The following PRKG1 variants were observed in gnomAD, a reference collection of about 807,000 sequenced individuals.
The protein encoded by PRKG1 is protein kinase cGMP-dependent 1, also known as cGMP-dependent protein kinase 1.
In PRKG1, 35 loss-of-function variants were observed where a neutral mutation model predicts 88.1. The ratio of observed to expected loss-of-function variants is 0.40; its 90% CI spans 0.30 to 0.53. The LOEUF is 0.53. PRKG1 is among the 20% of genes least tolerant of loss of function. The pLI, the probability that PRKG1 is intolerant of heterozygous loss-of-function variation, is 0.59. For synonymous variants in PRKG1, 303 were observed against 292.5 expected, an observed-to-expected ratio of 1.04 and a Z score of -0.37; for missense variants, 540 against 839.8, an observed-to-expected ratio of 0.64 and a Z score of 4.41.
rs569722949 is a variant in PRKG1, at chr10:51,510,608, T to C, written c.592+42772T>C. ...TATCAAATTTTGAGAATATTGTACA[T>C]TTTAAAATAAAACTAATTTTGTATT... is the stretch of plus-strand genomic sequence containing the variant. On this transcript the variant is annotated intron_variant, in intron 3 of 17. Coordinates refer to ENST00000373980, the MANE Select transcript of PRKG1 (RefSeq NM_006258.4). Among the ~76,000 whole-genome samples the C allele has an allele frequency of 3.3e-5, 5 of 152,308 alleles. No homozygotes were observed. In the South Asian group the frequency reaches 1.0e-3, roughly 32 times the overall value.
intron 2 of PRKG1, among the ~76,000 whole-genome samples, chr10:51,427,319 C>T (rs1588947847): frequency 6.6e-6 from 1 of 152,114 alleles, no homozygotes; most frequent in Non-Finnish European, 1.5e-5. Context: ...GCTAAGTCTT[C>T]CTTGAGAAAT....
chr10:51,271,631 G>C (rs1421905373), intron 2 of PRKG1, among the ~76,000 whole-genome samples: 1 of 152,142 alleles, frequency 6.6e-6, no homozygotes, highest in Non-Finnish European at 1.5e-5. Flanking sequence ...ATGTGATTGG[G>C]AAAATCTGAA....
chr10:52,124,493 G>A (rs1180457089), intron 7 of PRKG1, among the ~76,000 whole-genome samples: 1 of 152,138 alleles, frequency 6.6e-6, no homozygotes. Context: ...AATGAATCTT[G>A]CAGGACTATA....
At chr10:52,163,241 G>A (rs1463121373) in intron 9 of PRKG1, among the ~76,000 whole-genome samples, 1 of 150,096 alleles carries the variant, frequency 6.7e-6, no homozygotes, top group African/African-American at 2.4e-5. Flanking sequence ...GTGTGTGTGT[G>A]TGTGTGTATT....
At chr10:52,220,484 G>T (rs1840217148) in intron 9 of PRKG1, among the ~76,000 whole-genome samples, 1 of 151,872 alleles carries the variant, frequency 6.6e-6, no homozygotes, top group South Asian at 2.1e-4. Flanking sequence ...TGTGTCATGG[G>T]GGTATGTCGT....
chr10:51,632,767 G>C (rs1458428080), intron 3 of PRKG1, among the ~76,000 whole-genome samples: 1 of 152,118 alleles, frequency 6.6e-6, no homozygotes, highest in East Asian at 1.9e-4. Context: ...ACTCTGATTG[G>C]GCTGTGGTAA....
chr10:51,828,877 A>C (rs934288082), intron 4 of PRKG1, among the ~76,000 whole-genome samples: 1 of 152,248 alleles, frequency 6.6e-6, no homozygotes, highest in African/African-American at 2.4e-5. Context: ...TAATATCCAC[A>C]TCAAATCTGT....
At chr10:51,334,297 A>T (rs1166687778) in intron 2 of PRKG1, among the ~76,000 whole-genome samples, 1 of 151,948 alleles carries the variant, frequency 6.6e-6, no homozygotes, top group Non-Finnish European at 1.5e-5. Context: ...ATTCTCCAGG[A>T]TATATATATT....
intron 8 of PRKG1, among the ~76,000 whole-genome samples, chr10:52,159,890 G>A (rs1838233151): frequency 6.6e-6 from 1 of 151,648 alleles, no homozygotes; most frequent in Non-Finnish European, 1.5e-5. Context: ...ATTGCTGTTT[G>A]GTTTTCCTAC....
chr10:51,038,931 T>C (rs1843386395), intron 1 of PRKG1, among the ~76,000 whole-genome samples: 1 of 152,178 alleles, frequency 6.6e-6, no homozygotes, highest in South Asian at 2.1e-4. Context: ...TTGCACAATA[T>C]GTAGAGTAAG....
rs142704437 is a variant in PRKG1 at position 52,289,335 on chromosome 10, C to T, written c.1895+342C>T. Among the ~76,000 whole-genome samples, 94 of 152,134 alleles carry T rather than the reference C, an allele frequency of 6.2e-4. 2 individuals carry two copies. In the East Asian group the frequency reaches 0.016, roughly 27 times the overall value. On this transcript the variant is annotated intron_variant, in intron 16 of 17. Coordinates refer to ENST00000373980, the MANE Select transcript of PRKG1 (RefSeq NM_006258.4). ...AATAAAAGTCCCCTACTGTATCTTA[C>T]CTGATTTCCTAAAGACAAAATATAT...
At chr10:51,494,421 G>A (rs1325459453) in intron 3 of PRKG1, among the ~76,000 whole-genome samples, 1 of 152,204 alleles carries the variant, frequency 6.6e-6, no homozygotes, top group African/African-American at 2.4e-5. Flanking sequence ...TGGTAAAATT[G>A]TCTTTCAACA....
At chr10:52,232,568 A>G (rs905618131) in intron 9 of PRKG1, among the ~76,000 whole-genome samples, 1 of 152,162 alleles carries the variant, frequency 6.6e-6, no homozygotes, top group Non-Finnish European at 1.5e-5. Context: ...CTAAAAATAG[A>G]TTCTCTCAAT....
At chr10:51,735,044 A>T (rs143962065) in intron 3 of PRKG1, among the ~76,000 whole-genome samples, 2 of 152,306 alleles carry the variant, frequency 1.3e-5, no homozygotes, top group African/African-American at 4.8e-5. Flanking sequence ...GAGATAGGGA[A>T]TTAGGTAGGA....
chr10:52,157,662 C>A (rs538360713), intron 8 of PRKG1, among the ~76,000 whole-genome samples: 1 of 151,524 alleles, frequency 6.6e-6, no homozygotes, highest in Non-Finnish European at 1.5e-5. Context: ...GAAACAGCCT[C>A]TTAACTGATA....
At chr10:51,014,703 G>C (rs931415076) in intron 1 of PRKG1, among the ~76,000 whole-genome samples, 8 of 151,984 alleles carry the variant, frequency 5.3e-5, no homozygotes, top group Non-Finnish European at 1.2e-4. Context: ...GTGTCAAATT[G>C]TACCCTATAA....
intron 4 of PRKG1, among the ~76,000 whole-genome samples, chr10:51,869,997 A>G (rs1191980628): frequency 6.6e-6 from 1 of 152,196 alleles, no homozygotes; most frequent in Non-Finnish European, 1.5e-5. Context: ...CAGCAACGTG[A>G]AAGACTTCTT....
upstream of PRKG1, chr10:51,074,402 A>C (rs1373313334): frequency 4.3e-6 from 6 of 1,406,052 alleles, no homozygotes; most frequent in South Asian, 1.5e-5. Flanking sequence ...TGGAATCTGC[A>C]CTGAAACTCT....
intron 1 of PRKG1, among the ~76,000 whole-genome samples, chr10:51,144,661 A>C (rs926567346): frequency 1.3e-5 from 2 of 152,180 alleles, no homozygotes; most frequent in African/African-American, 4.8e-5. Flanking sequence ...TTTCAAAATT[A>C]ATATAAACAC....
Sources: allele counts gnomAD v4.1 joint callset (sites outside exome capture counted in the v4.1 genomes callset), GRCh38; gene constraint gnomAD v4.1.1; transcripts MANE v1.5; gene names NCBI Gene and HGNC (gene_info 2026-07-23, HGNC 2026-07-21).